The following TMEM108 variants were observed in gnomAD, a reference collection of about 807,000 sequenced individuals.
The protein encoded by TMEM108 is cancer/testis antigen 124.
A neutral mutation model predicts 35.1 loss-of-function variants in TMEM108; 12 were observed. That is an observed-to-expected ratio of 0.34 (90% CI 0.22 to 0.55). The LOEUF is 0.55. TMEM108 is among the 20% of genes least tolerant of loss of function. TMEM108 has a pLI of 0.89. For missense variants in TMEM108, 680 were observed against 753.3 expected, an observed-to-expected ratio of 0.90 and a Z score of 1.14; for synonymous variants, 287 against 308.6, an observed-to-expected ratio of 0.93 and a Z score of 0.73.
In TMEM108 at chr3:133,240,279, T is replaced by A. The variant is rs1946294933; in HGVS notation, c.40+10928T>A. Among the ~76,000 whole-genome samples the A allele has an allele frequency of 1.3e-5, 2 of 152,180 alleles. 1 individual carries two copies. Among genetic ancestry groups the A allele is most frequent in the South Asian group, 4.1e-4 (2 of 4,828 alleles). ...GAGGAAGTGACTCTTTCCAAGATGA[T>A]ATTAACCCAGAAAGTTTAGGCATAC... On this transcript the variant is annotated intron_variant, in intron 3 of 5. Coordinates refer to ENST00000321871, the MANE Select transcript of TMEM108 (RefSeq NM_023943.4).
chr3:133,161,427 G>A (rs999575066), intron 2 of TMEM108, among the ~76,000 whole-genome samples: 1 of 152,116 alleles, frequency 6.6e-6, no homozygotes, highest in Non-Finnish European at 1.5e-5. Context: ...CCATGAGGCG[G>A]GGACCTTTCA....
At chr3:133,287,397 A>T (rs1034427475) in intron 3 of TMEM108, among the ~76,000 whole-genome samples, 1 of 152,224 alleles carries the variant, frequency 6.6e-6, no homozygotes, top group Non-Finnish European at 1.5e-5. Flanking sequence ...AATGCAGTAT[A>T]TCATGCGTAT....
At chr3:133,382,445 T>A (rs1026516369) in intron 4 of TMEM108, among the ~76,000 whole-genome samples, 1 of 152,262 alleles carries the variant, frequency 6.6e-6, no homozygotes, top group Admixed American at 6.5e-5. Context: ...GTCTTCTTTG[T>A]AGGGCTGCAT....
intron 2 of TMEM108, among the ~76,000 whole-genome samples, chr3:133,133,954 G>A (rs1420031917): frequency 6.6e-6 from 1 of 151,640 alleles, no homozygotes; most frequent in African/African-American, 2.4e-5. Context: ...TAGTAGAGAC[G>A]GGGTTTCACC....
At chr3:133,235,490 C>T (rs1038295334) in intron 3 of TMEM108, among the ~76,000 whole-genome samples, 1 of 152,086 alleles carries the variant, frequency 6.6e-6, no homozygotes, top group Non-Finnish European at 1.5e-5. Context: ...CTGAGAAAAA[C>T]AAGCAATGGG....
intron 3 of TMEM108, among the ~76,000 whole-genome samples, chr3:133,291,553 C>A (rs746265501): frequency 6.6e-6 from 1 of 151,978 alleles, no homozygotes; most frequent in African/African-American, 2.4e-5. Context: ...GCTGGGATTA[C>A]AGGCGTGAGC....
chr3:133,275,167 G>T (rs2107684586), intron 3 of TMEM108, among the ~76,000 whole-genome samples: 1 of 152,240 alleles, frequency 6.6e-6, no homozygotes, highest in African/African-American at 2.4e-5. Flanking sequence ...CTGCCCACAT[G>T]ACCCCAGTAA....
chr3:133,187,413 C>A (rs1176292694), intron 2 of TMEM108, among the ~76,000 whole-genome samples: 1 of 152,102 alleles, frequency 6.6e-6, no homozygotes, highest in Non-Finnish European at 1.5e-5. Flanking sequence ...GGGAGAAACT[C>A]TCAGCCTGAG....
At chr3:133,175,924 C>T (rs1945217127) in intron 2 of TMEM108, among the ~76,000 whole-genome samples, 1 of 152,104 alleles carries the variant, frequency 6.6e-6, no homozygotes. Flanking sequence ...ATTCAGGAAA[C>T]CCATCTCATG....
At chr3:133,103,970 G>C (rs1256215060) in intron 2 of TMEM108, among the ~76,000 whole-genome samples, 1 of 152,168 alleles carries the variant, frequency 6.6e-6, no homozygotes, top group Non-Finnish European at 1.5e-5. Context: ...TGAAACCAAA[G>C]AGTTCATAAA....
At chr3:133,148,134 T>C (rs1944747912) in intron 2 of TMEM108, among the ~76,000 whole-genome samples, 1 of 152,214 alleles carries the variant, frequency 6.6e-6, no homozygotes, top group South Asian at 2.1e-4. Flanking sequence ...ACATTCCTAG[T>C]ACCCAGATTT....
chr3:133,349,798 A>G (rs2071935517), intron 3 of TMEM108, among the ~76,000 whole-genome samples: 2 of 152,128 alleles, frequency 1.3e-5, no homozygotes, highest in Non-Finnish European at 2.9e-5. Flanking sequence ...GCCGGTGAGG[A>G]TGTGGAGAAA....
intron 2 of TMEM108, chr3:133,119,136 C>T (rs1353104022): frequency 1.3e-5 from 2 of 151,824 alleles, no homozygotes; most frequent in Non-Finnish European, 2.9e-5. Flanking sequence ...TTTCCTGAGT[C>T]TAGGTTGTCA....
intron 4 of TMEM108, among the ~76,000 whole-genome samples, chr3:133,386,048 A>G (rs1340900642): frequency 6.6e-6 from 1 of 152,226 alleles, no homozygotes; most frequent in Non-Finnish European, 1.5e-5. Context: ...CTTAGACTAC[A>G]GTGTTGTTCT....
At chr3:133,046,590 A>G (rs922398004) in intron 2 of TMEM108, among the ~76,000 whole-genome samples, 9 of 152,204 alleles carry the variant, frequency 5.9e-5, no homozygotes, top group Admixed American at 5.2e-4. Flanking sequence ...ATGCCCATTC[A>G]TGCCTCATCT....
chr3:133,380,697 C>T lies in TMEM108; in HGVS notation c.986C>T (p.Pro329Leu). ...RPHHGDPQDGPSHSDSWLTVT... is the reference protein window; with the variant it reads ...RPHHGDPQDGLSHSDSWLTVT... ...CACCACGGTGACCCACAGGATGGCC[C>T]CAGCCATAGTGACTCTTGGCTTACT... The change falls in exon 4 of 6, where the codon CCC (proline) becomes CTC (leucine). Residue 329 changes from proline (P) to leucine (L), a missense_variant. Pro to Leu is a moderately conservative substitution (Grantham distance 98, BLOSUM62 -3). This residue lies in a region of TMEM108 where 526 missense variants were observed against 532.1 expected (regional missense o/e 0.99). Coordinates refer to ENST00000321871, the MANE Select transcript of TMEM108 (RefSeq NM_023943.4). The surrounding 1 kb of genome is among the most constrained non-coding windows in gnomAD (Gnocchi z 5.3). 1.9e-6 allele frequency: 3 copies of T among 1,614,170 alleles called. No individual in the cohort carries two copies. The highest frequency in any genetic ancestry group is 2.5e-6 in the Non-Finnish European group (3 of 1,180,018).
rs191374901 is a variant in TMEM108 at position 133,040,571 on chromosome 3, A to G, written c.-166+2136A>G. On this transcript the variant is annotated intron_variant, in intron 1 of 5. Transcript: ENST00000321871. The stretch of plus-strand genomic sequence containing the variant: ...GAATGCTGAGGGTGAGGTAGGTGGC[A>G]TAGTATACACTTTTATTTTCAGAGG... Among the ~76,000 whole-genome samples, 55 of 152,250 alleles carry G rather than the reference A, an allele frequency of 3.6e-4. No individual in the cohort carries two copies. In the East Asian group the frequency reaches 5.0e-3, roughly 14 times the overall value.
At chr3:133,106,327 A>G (rs983390650) in intron 2 of TMEM108, among the ~76,000 whole-genome samples, 2 of 152,032 alleles carry the variant, frequency 1.3e-5, no homozygotes, top group African/African-American at 4.8e-5. Flanking sequence ...TGTTTGTGTT[A>G]CAGATGTGGG....
At chr3:133,188,794 T>C (rs962509567) in intron 2 of TMEM108, among the ~76,000 whole-genome samples, 1 of 152,188 alleles carries the variant, frequency 6.6e-6, no homozygotes, top group African/African-American at 2.4e-5. Context: ...GTTAACATCC[T>C]GGGCCCAATG....
Sources: gnomAD v4.1 joint callset for allele counts (sites outside exome capture counted in the v4.1 genomes callset) on GRCh38, gnomAD v4.1.1 for gene constraint, gnomAD v4.1.1 regional missense constraint, Gnocchi (gnomAD v3.1) non-coding constraint, MANE v1.5 for transcripts, NCBI Gene and HGNC (gene_info 2026-07-23, HGNC 2026-07-21) for gene names.